Variants in FUNDC2 observed in about 807,000 individuals in gnomAD.
The protein encoded by FUNDC2 is FUN14 domain-containing protein 2.
A neutral mutation model predicts 15.6 loss-of-function variants in FUNDC2; 4 were observed. That is an observed-to-expected ratio of 0.26 (90% CI 0.13 to 0.59). The LOEUF (loss-of-function observed/expected upper bound fraction) is 0.59. Among genes scored for constraint, FUNDC2 ranks in the 20% least tolerant of loss-of-function variants. The probability of loss-of-function intolerance (pLI) is 0.90; values close to 1 mark genes in which losing one functional copy is unlikely to be tolerated. For synonymous variants in FUNDC2, 44 were observed against 56.9 expected, an observed-to-expected ratio of 0.77 and a Z score of 1.02; for missense variants, 98 against 149.7, an observed-to-expected ratio of 0.65 and a Z score of 1.80.
At chrX:155,054,220 CAG>C in intron 4 of FUNDC2, 1 of 753,366 alleles carries the variant, frequency 1.3e-6, no homozygotes, top group Non-Finnish European at 1.6e-6. Context: ...AAATTGGAAA[CAG>C]AATTGCCTCT....
chrX:155,039,944 G>T (rs1308415440), intron 2 of FUNDC2, among the ~76,000 whole-genome samples: 1 of 111,699 alleles, frequency 9.0e-6, no homozygotes, highest in East Asian at 2.8e-4. Flanking sequence ...GAGGTATGGA[G>T]ATTTTAGCAA....
At position 155,037,899 on chromosome X, in the gene FUNDC2, T is replaced by A. The variant is rs898138086; in HGVS notation, c.284+4346T>A. On this transcript the variant is annotated intron_variant, in intron 2 of 4. Transcript: ENST00000369498. ...ATTAGGGTGGTTAGACTATTTACAT[T>A]TAAGTTTATTTTTAAAATTCTTTTA... Among the ~76,000 whole-genome samples, 3 of 111,406 alleles carry A rather than the reference T, an allele frequency of 2.7e-5. No individual in the cohort carries two copies. The East Asian group carries it at 8.4e-4, about 31-fold the overall frequency.
chrX:155,030,683 C>CTTTTT (rs369740085), intron 1 of FUNDC2, among the ~76,000 whole-genome samples: 2 of 85,668 alleles, frequency 2.3e-5, no homozygotes, highest in Non-Finnish European at 4.5e-5. Context: ...CTATTTTCTA[C>CTTTTT]TTTTTTTTTT....
At chrX:155,032,410 A>G (rs979668584) in intron 1 of FUNDC2, among the ~76,000 whole-genome samples, 3 of 104,174 alleles carry the variant, frequency 2.9e-5, no homozygotes, top group Non-Finnish European at 3.9e-5. Context: ...CCGAGTAGCT[A>G]GGATTACAGG....
chrX:155,042,175 C>CTTTTTTT lies in FUNDC2; in HGVS notation c.285-4311_285-4305dup, dbSNP rs1175079092. ...CCTTGCTATAGTTTTCTTTTTCTAT[C>CTTTTTTT]TTTTTTTTTTTTTTTTTTTTTTTTT... On this transcript the variant is annotated intron_variant, in intron 2 of 4. Coordinates refer to ENST00000369498, the MANE Select transcript of FUNDC2 (RefSeq NM_023934.4). Among the ~76,000 whole-genome samples, 83 of 39,211 alleles carry CTTTTTTT rather than the reference C, an allele frequency of 2.1e-3. 9 individuals are homozygous for CTTTTTTT. Among genetic ancestry groups the CTTTTTTT allele is most frequent in the African/African-American group, 5.0e-3 (38 of 7,649 alleles). The allele number at this position is 39,211 out of a possible 115,157, so 34.1% of individuals were successfully genotyped here.
Position 155,055,468 on chromosome X carries a change from T to C in FUNDC2, c.*796T>C. On this transcript the variant is annotated 3_prime_UTR_variant, in exon 5 of 5. Coordinates refer to ENST00000369498, the MANE Select transcript of FUNDC2 (RefSeq NM_023934.4). ...ATTTTTTTTTTTAATCTAGTTAGTA[T>C]GAAATACAACATTTAAACCGGAATT... 1 of 293,108 alleles carries C rather than the reference T, an allele frequency of 3.4e-6. No homozygotes were observed. Among genetic ancestry groups the C allele is most frequent in the Non-Finnish European group, 6.0e-6 (1 of 168,066 alleles). The allele number at this position is 293,108 out of a possible 1,213,427, so 24.2% of individuals were successfully genotyped here.
chrX:155,054,894 C>T lies in FUNDC2; in HGVS notation c.*222C>T. 1 of 394,707 alleles carries T rather than the reference C, an allele frequency of 2.5e-6. No homozygotes were observed. Among genetic ancestry groups the T allele is most frequent in the Non-Finnish European group, 4.4e-6 (1 of 227,258 alleles). The allele number at this position is 394,707 out of a possible 1,213,427, so 32.5% of individuals were successfully genotyped here. On this transcript the variant is annotated 3_prime_UTR_variant, in exon 5 of 5. Transcript: ENST00000369498. ...AGTCCTTAGCTCTCCTCCCAGTACACCCCCTACTTGGCCAGTCTGTAGGCC... is the reference window on the plus strand; with the variant it reads ...AGTCCTTAGCTCTCCTCCCAGTACATCCCCTACTTGGCCAGTCTGTAGGCC...
Position 155,056,220 on chromosome X carries a change from C to G in FUNDC2, c.*1548C>G, listed in dbSNP as rs2073895437. 8.9e-6 allele frequency: 1 copy of G among 111,997 alleles called. No homozygotes were observed. Among genetic ancestry groups the G allele is most frequent in the African/African-American group, 3.2e-5 (1 of 30,773 alleles). The allele number at this position is 111,997 out of a possible 1,213,427, so 9.2% of individuals were successfully genotyped here. A position where few individuals can be genotyped will look rare whatever the true frequency, so the allele number is the denominator to read the frequency against. ...ATAATCCCCCTGTGTATCTATCACT[C>G]ACTCACAACAATCATCAAATTATAG... On this transcript the variant is annotated 3_prime_UTR_variant, in exon 5 of 5. Coordinates refer to ENST00000369498, the MANE Select transcript of FUNDC2 (RefSeq NM_023934.4).
In FUNDC2 at chrX:155,057,106, G is replaced by C. The variant is rs781826798; in HGVS notation, c.*2434G>C. ...GAGGCCACTGTGACCACTTGGGATT[G>C]TGCAGAGCTGGCATGGAGGTTGAAC... On this transcript the variant is annotated 3_prime_UTR_variant, in exon 5 of 5. Transcript: ENST00000369498. 9.5e-4 allele frequency: 100 copies of C among 105,267 alleles called. 2 individuals carry two copies. Among genetic ancestry groups the C allele is most frequent in the African/African-American group, 3.3e-3 (97 of 29,725 alleles). 8.7% of individuals were successfully genotyped at this position (105,267 alleles called of 1,213,427 possible).
intron 2 of FUNDC2, among the ~76,000 whole-genome samples, chrX:155,038,885 G>A (rs2073839631): frequency 8.9e-6 from 1 of 112,238 alleles, no homozygotes; most frequent in South Asian, 3.6e-4. Context: ...TGAATCATAT[G>A]TTATTAGTTC....
In FUNDC2 at chrX:155,060,178, A is replaced by G. The variant is rs1348960057; in HGVS notation, c.*5506A>G. On this transcript the variant is annotated 3_prime_UTR_variant, in exon 5 of 5. Coordinates refer to ENST00000369498, the MANE Select transcript of FUNDC2 (RefSeq NM_023934.4). ...TCAGTAAAAATAACTTGGCAATAAA[A>G]CACAGAAAAACAATCTATTTGATCA... 8.9e-6 allele frequency: 1 copy of G among 112,530 alleles called. No individual in the cohort carries two copies. The highest frequency in any genetic ancestry group is 1.9e-5 in the Non-Finnish European group (1 of 53,326). The allele number at this position is 112,530 out of a possible 1,213,427, so 9.3% of individuals were successfully genotyped here.
At chrX:155,054,231 C>G in intron 4 of FUNDC2, 1 of 753,300 alleles carries the variant, frequency 1.3e-6, no homozygotes, top group Middle Eastern at 7.6e-4. Context: ...AGAATTGCCT[C>G]TGTAACCAGT....
rs116458030 is a variant in FUNDC2, at chrX:155,056,422, C to A, written c.*1750C>A. The A allele has an allele frequency of 9.0e-6, 1 of 111,478 alleles. No individual in the cohort carries two copies. The highest frequency in any genetic ancestry group is 3.3e-5 in the African/African-American group (1 of 30,625). The allele number at this position is 111,478 out of a possible 1,213,427, so 9.2% of individuals were successfully genotyped here. A position where few individuals can be genotyped will look rare whatever the true frequency, so the allele number is the denominator to read the frequency against. On this transcript the variant is annotated 3_prime_UTR_variant, in exon 5 of 5. Coordinates refer to ENST00000369498, the MANE Select transcript of FUNDC2 (RefSeq NM_023934.4). ...ATCTGATCAGTGTTCAAAATTTCCT[C>A]AAGTGTTTTATATTTAGTTTGTTTG...
chrX:155,037,837 A>AT (rs1170512509), intron 2 of FUNDC2, among the ~76,000 whole-genome samples: 1 of 111,568 alleles, frequency 9.0e-6, no homozygotes, highest in African/African-American at 3.3e-5. Flanking sequence ...GTGGTTGTTA[A>AT]TTTTTTAGAA....
At chrX:155,037,751 T>A (rs1557289267) in intron 2 of FUNDC2, among the ~76,000 whole-genome samples, 1 of 110,767 alleles carries the variant, frequency 9.0e-6, no homozygotes, top group Non-Finnish European at 1.9e-5. Context: ...TCCAAAGTGC[T>A]GGGATTATAG....
At position 155,054,585 on chromosome X, in the gene FUNDC2, C is replaced by G. The variant is rs782777822; in HGVS notation, c.493-10C>G. The G allele has an allele frequency of 2.5e-6, 3 of 1,210,750 alleles. No individual in the cohort carries two copies. ...GCAAAACAACCCATTGTACTATCTT[C>G]TGTTTTCAGGTGGTGTCATTTGTGA... On this transcript the variant is annotated splice_polypyrimidine_tract_variant and intron_variant, in intron 4 of 4. Transcript: ENST00000369498.
intron 2 of FUNDC2, among the ~76,000 whole-genome samples, chrX:155,037,953 G>A (rs782288612): frequency 2.7e-5 from 3 of 110,725 alleles, no homozygotes; most frequent in Non-Finnish European, 3.8e-5. Flanking sequence ...TAGGCTGGGT[G>A]CAGTGGCTCA....
intron 1 of FUNDC2, among the ~76,000 whole-genome samples, chrX:155,031,416 G>A (rs2073814670): frequency 9.0e-6 from 1 of 111,455 alleles, no homozygotes; most frequent in South Asian, 3.8e-4. Context: ...TGCAACCTTC[G>A]CTACCCGCGT....
intron 2 of FUNDC2, among the ~76,000 whole-genome samples, chrX:155,037,258 C>T (rs781993321): frequency 9.0e-6 from 1 of 111,157 alleles, no homozygotes; most frequent in East Asian, 2.8e-4. Flanking sequence ...GTATATTGAT[C>T]TTGTATATTG....
Sources: allele counts gnomAD v4.1 joint callset (sites outside exome capture counted in the v4.1 genomes callset), GRCh38; gene constraint gnomAD v4.1.1; transcripts MANE v1.5; gene names NCBI Gene and HGNC (gene_info 2026-07-23, HGNC 2026-07-21).